The following MAGEC3 variants were observed in gnomAD, a reference collection of about 807,000 sequenced individuals.
The protein encoded by MAGEC3 is melanoma-associated antigen C3.
A neutral mutation model predicts 35.3 loss-of-function variants in MAGEC3; 34 were observed. The observed-to-expected ratio is 0.96, with a 90% confidence interval of 0.73 to 1.28. The LOEUF (loss-of-function observed/expected upper bound fraction) is 1.28, where lower values mean the gene tolerates loss of function less well. Among genes scored for constraint, MAGEC3 ranks in the 50% most tolerant of loss-of-function variants. The probability of loss-of-function intolerance (pLI) is 0.00; values close to 1 mark genes in which losing one functional copy is unlikely to be tolerated. For missense variants in MAGEC3, 561 were observed against 483.6 expected (o/e 1.16, Z -1.50); for synonymous variants, 202 against 185.6 (o/e 1.09, Z -0.72).
intron 2 of MAGEC3, among the ~76,000 whole-genome samples, chrX:141,872,386 G>A (rs2017893845): frequency 9.0e-6 from 1 of 111,156 alleles, no homozygotes; most frequent in Non-Finnish European, 1.9e-5. Flanking sequence ...GAGCTGGTGA[G>A]AGGAGGCCGA....
At chrX:141,839,501 C>T in intron 1 of MAGEC3, 1 of 753,965 alleles carries the variant, frequency 1.3e-6, no homozygotes, top group African/African-American at 2.3e-5. Flanking sequence ...TCAAATTGAT[C>T]TTTGCTATTG....
chrX:141,872,893 G>T (rs1159122940), intron 2 of MAGEC3, among the ~76,000 whole-genome samples: 11 of 111,872 alleles, frequency 9.8e-5, no homozygotes, highest in Admixed American at 9.4e-4. Flanking sequence ...GAGAAAAGAT[G>T]GGGTGGGTGG....
intron 1 of MAGEC3, among the ~76,000 whole-genome samples, chrX:141,863,050 G>A (rs2017825316): frequency 9.0e-6 from 1 of 111,525 alleles, no homozygotes; most frequent in Non-Finnish European, 1.9e-5. Flanking sequence ...GATTTCACAT[G>A]TACCCCATAA....
intron 2 of MAGEC3, among the ~76,000 whole-genome samples, chrX:141,874,806 A>G (rs1351544601): frequency 3.4e-5 from 2 of 58,075 alleles, no homozygotes; most frequent in Non-Finnish European, 6.5e-5. Context: ...TGCATTTTAA[A>G]TCTGGAAATG....
In MAGEC3 at chrX:141,852,240, C is replaced by G. The variant is rs957106052; in HGVS notation, c.124-13231C>G. Among the ~76,000 whole-genome samples the G allele has an allele frequency of 3.7e-5, 4 of 109,238 alleles. No individual in the cohort carries two copies. In the Admixed American group the frequency reaches 4.0e-4, roughly 11 times the overall value. The allele number at this position is 109,238 out of a possible 115,157, so 94.9% of individuals were successfully genotyped here. On this transcript the variant is annotated intron_variant, in intron 1 of 7. Transcript: ENST00000298296. The stretch of plus-strand genomic sequence containing the variant: ...CTTAATTTCATTTTCAAGTTTTTTA[C>G]TAGTTCACAGAAATACAACTGAGTT...
At chrX:141,894,901 C>T in intron 4 of MAGEC3, 1 of 654,572 alleles carries the variant, frequency 1.5e-6, no homozygotes, top group South Asian at 4.3e-5. Flanking sequence ...TGGGAGGGGG[C>T]AGGTTGGTAG....
At position 141,888,436 on chromosome X, in the gene MAGEC3, T is replaced by A. The variant is rs1430826803; in HGVS notation, c.909+6640T>A. Among the ~76,000 whole-genome samples the A allele has an allele frequency of 2.7e-5, 3 of 112,045 alleles. No individual in the cohort carries two copies. In the Admixed American group the frequency reaches 2.8e-4, roughly 11 times the overall value. On this transcript the variant is annotated intron_variant, in intron 4 of 7. Coordinates refer to ENST00000298296, the MANE Select transcript of MAGEC3 (RefSeq NM_138702.1). ...TGTAGCCAATGGTTTGGCTGGAAGG[T>A]CAGGGACTTGGAAGAAGCATGATTG...
At position 141,895,481 on chromosome X, in the gene MAGEC3, A is replaced by G. The variant is rs748041811; in HGVS notation, c.1049-4A>G. The G allele has an allele frequency of 4.1e-6, 5 of 1,211,114 alleles. No individual in the cohort carries two copies. Among genetic ancestry groups the G allele is most frequent in the Non-Finnish European group, 5.6e-6 (5 of 895,185 alleles). On this transcript the variant is annotated splice_region_variant and splice_polypyrimidine_tract_variant and intron_variant, in intron 5 of 7. Transcript: ENST00000298296. ...AAGCCCCGGTCTGCCCTGCGCTGCC[A>G]TAGGACTTGCAGGCCACAGACAGGA...
chrX:141,868,447 A>G (rs1421846057), intron 2 of MAGEC3, among the ~76,000 whole-genome samples: 1 of 111,979 alleles, frequency 8.9e-6, no homozygotes, highest in Admixed American at 9.4e-5. Flanking sequence ...TTTGAAACAT[A>G]ATTTTCCTTT....
intron 1 of MAGEC3, among the ~76,000 whole-genome samples, chrX:141,857,082 A>G (rs1184008511): frequency 9.0e-6 from 1 of 111,099 alleles, no homozygotes; most frequent in African/African-American, 3.3e-5. Context: ...TAAAATCTGC[A>G]TGTAATTTCA....
rs749497000 is a variant in MAGEC3 at position 141,897,442 on chromosome X, T to C, written c.1684T>C (p.Cys562Arg). The C allele has an allele frequency of 2.5e-6, 3 of 1,209,075 alleles. No individual in the cohort carries two copies. Among genetic ancestry groups the C allele is most frequent in the South Asian group, 3.5e-5 (2 of 56,505 alleles). Reference sequence around the variant, plus strand: ...CAGTATGATCTTCATAAAGGGCAGCTGTGTCCCCGAGGAGGTCATCTGGGA... The same window carrying C: ...CAGTATGATCTTCATAAAGGGCAGCCGTGTCCCCGAGGAGGTCATCTGGGA... ...ILSMIFIKGS[C>R]VPEEVIWEVL... Residue 562 changes from cysteine to arginine, a missense_variant, in exon 7 of 8, where the codon TGT (cysteine) becomes CGT (arginine). Coordinates refer to ENST00000298296, the MANE Select transcript of MAGEC3 (RefSeq NM_138702.1).
At chrX:141,841,046 C>T (rs1392677172) in intron 1 of MAGEC3, among the ~76,000 whole-genome samples, 1 of 110,936 alleles carries the variant, frequency 9.0e-6, no homozygotes, top group Non-Finnish European at 1.9e-5. Context: ...GTGATAATAA[C>T]TTCACTCTGC....
intron 1 of MAGEC3, among the ~76,000 whole-genome samples, chrX:141,840,267 A>G (rs957497251): frequency 8.9e-6 from 1 of 112,247 alleles, no homozygotes; most frequent in Non-Finnish European, 1.9e-5. Flanking sequence ...GAAAGTTAAC[A>G]GCAAAAGTAT....
intron 2 of MAGEC3, among the ~76,000 whole-genome samples, chrX:141,868,077 G>C (rs1456954477): frequency 7.1e-4 from 79 of 110,502 alleles, no homozygotes; most frequent in African/African-American, 2.3e-3. Context: ...GAGCCGAGAT[G>C]GCGCCAGTGC....
chrX:141,845,238 A>C (rs942752488), intron 1 of MAGEC3, among the ~76,000 whole-genome samples: 24 of 111,010 alleles, frequency 2.2e-4, no homozygotes, highest in Non-Finnish European at 3.6e-4. Context: ...AGAGAGGTAA[A>C]ATGCTTATTT....
intron 2 of MAGEC3, among the ~76,000 whole-genome samples, chrX:141,870,270 T>A (rs930355542): frequency 4.5e-5 from 5 of 111,495 alleles, no homozygotes; most frequent in Non-Finnish European, 7.5e-5. Context: ...GCTAGTAACG[T>A]TAACCTGAAT....
intron 4 of MAGEC3, chrX:141,894,790 CAG>C (rs2018071766): frequency 2.1e-6 from 2 of 959,865 alleles, no homozygotes; most frequent in Non-Finnish European, 2.7e-6. Context: ...CTGGACAAAA[CAG>C]ATGGAGAGGT....
intron 4 of MAGEC3, among the ~76,000 whole-genome samples, chrX:141,893,086 T>G (rs2018054952): frequency 9.0e-6 from 1 of 111,716 alleles, no homozygotes; most frequent in African/African-American, 3.3e-5. Context: ...ATGAGCATAT[T>G]AAAGAGTTCA....
chrX:141,883,095 C>T (rs1487588560), intron 4 of MAGEC3, among the ~76,000 whole-genome samples: 1 of 111,800 alleles, frequency 8.9e-6, no homozygotes. Flanking sequence ...TGGAAGCTGT[C>T]TTGCAGCTCT....
Sources: allele counts gnomAD v4.1 joint callset (sites outside exome capture counted in the v4.1 genomes callset), GRCh38; gene constraint gnomAD v4.1.1; transcripts MANE v1.5; gene names NCBI Gene and HGNC (gene_info 2026-07-23, HGNC 2026-07-21).